Variants in CSRNP3 observed in about 807,000 individuals in gnomAD.
CSRNP3 encodes cysteine/serine-rich nuclear protein 3.
Under a neutral mutation model 48.0 loss-of-function variants are expected in CSRNP3, and 12 were observed. That is an observed-to-expected ratio of 0.25 (90% confidence interval 0.16 to 0.41). The LOEUF (loss-of-function observed/expected upper bound fraction) is 0.41, where lower values mean the gene tolerates loss of function less well. CSRNP3 is among the 10% of genes least tolerant of loss of function. The pLI, the probability that CSRNP3 is intolerant of heterozygous loss-of-function variation, is 1.00. For missense variants in CSRNP3, 580 were observed against 724.4 expected (o/e 0.80, Z 2.29); for synonymous variants, 263 against 269.7 (o/e 0.98, Z 0.24).
chr2:165,664,181 A>G (rs1057160967), intron 5 of CSRNP3, among the ~76,000 whole-genome samples: 7 of 152,218 alleles, frequency 4.6e-5, no homozygotes, highest in Admixed American at 6.5e-5. Context: ...CTAAAGAACT[A>G]TATTATAAGA....
At chr2:165,564,166 A>T (rs1011292518) in intron 3 of CSRNP3, among the ~76,000 whole-genome samples, 8 of 152,246 alleles carry the variant, frequency 5.3e-5, no homozygotes, top group African/African-American at 1.7e-4. Flanking sequence ...TCTGTTCATC[A>T]ATCAAAGCAA....
chr2:165,609,736 A>T (rs1031878737), intron 4 of CSRNP3, among the ~76,000 whole-genome samples: 9 of 152,206 alleles, frequency 5.9e-5, no homozygotes, highest in African/African-American at 2.2e-4. Flanking sequence ...AATTCTAACT[A>T]AACAGGGAGT....
chr2:165,503,210 A>C lies in CSRNP3; in HGVS notation c.-113+8282A>C, dbSNP rs572302385. On this transcript the variant is annotated intron_variant, in intron 2 of 6. Coordinates refer to ENST00000651982, the MANE Select transcript of CSRNP3 (RefSeq NM_001172173.2). ...ACAAATAATTGCTCCTAGGATTTTC[A>C]TAAATTTCTATATGTATTTAAATCT... Among the ~76,000 whole-genome samples, 414 of 152,086 alleles carry C rather than the reference A, an allele frequency of 2.7e-3. 1 individual carries two copies. Among genetic ancestry groups the C allele is most frequent in the Non-Finnish European group, 4.8e-3 (324 of 67,872 alleles).
At chr2:165,520,802 T>TTATATAC (rs1558923579) in intron 3 of CSRNP3, among the ~76,000 whole-genome samples, 2 of 57,398 alleles carry the variant, frequency 3.5e-5, no homozygotes, top group African/African-American at 1.7e-4. Flanking sequence ...TATATATATA[T>TTATATAC]ATATATATAT....
Position 165,490,562 on chromosome 2 carries a change from C to G in CSRNP3, c.-282-4197C>G, listed in dbSNP as rs372026429. ...GACTTCAAACTATACTACAAGGCTA[C>G]AGTAACCAAAACAGCATGGTACTTG... On this transcript the variant is annotated intron_variant, in intron 1 of 6. Coordinates refer to ENST00000651982, the MANE Select transcript of CSRNP3 (RefSeq NM_001172173.2). Among the ~76,000 whole-genome samples, 10 of 145,384 alleles carry G rather than the reference C, an allele frequency of 6.9e-5. No homozygotes were observed. In the East Asian group the frequency reaches 1.2e-3, roughly 18 times the overall value.
chr2:165,680,659 G>A lies in CSRNP3; in HGVS notation c.*906G>A, dbSNP rs536787902. The stretch of plus-strand genomic sequence containing the variant: ...GCCCCTTCACGGTACCTCGTGTGGG[G>A]TGGGGACTGAGAACTCTTTGAGATG... On this transcript the variant is annotated 3_prime_UTR_variant, in exon 7 of 7. Transcript: ENST00000651982. The A allele has an allele frequency of 1.5e-3, 230 of 152,452 alleles. No homozygotes were observed. The highest frequency in any genetic ancestry group is 5.4e-3 in the African/African-American group (222 of 41,452). The allele number at this position is 152,452 out of a possible 1,614,324, so 9.4% of individuals were successfully genotyped here.
In CSRNP3 at chr2:165,676,428, A is replaced by G; in HGVS notation, c.525A>G (p.Gln175=). ...AGGTAGATGAGTACTTCTTCCTACA[A>G]CCTTTGCCAACAAAAAAACGAAGAG... ...NTEVDEYFFL[Q]PLPTKKRRAL... Residue 175 remains glutamine (Q), a synonymous_variant, in exon 6 of 7, where the codon CAA becomes CAG. Coordinates refer to ENST00000651982, the MANE Select transcript of CSRNP3 (RefSeq NM_001172173.2). 1.9e-6 allele frequency: 3 copies of G among 1,614,178 alleles called. 1 individual carries two copies. The highest frequency in any genetic ancestry group is 3.3e-4 in the Middle Eastern group (2 of 6,062).
intron 2 of CSRNP3, among the ~76,000 whole-genome samples, chr2:165,506,973 C>G (rs915040896): frequency 3.3e-5 from 5 of 151,660 alleles, no homozygotes; most frequent in Non-Finnish European, 7.4e-5. Flanking sequence ...CAATGGACCC[C>G]ATATTAGTAA....
At chr2:165,616,687 C>A (rs1252488142) in intron 4 of CSRNP3, among the ~76,000 whole-genome samples, 1 of 152,050 alleles carries the variant, frequency 6.6e-6, no homozygotes, top group African/African-American at 2.4e-5. Context: ...TTAAAAATTA[C>A]CTATCTTTGA....
chr2:165,670,374 G>A (rs1359266845), intron 5 of CSRNP3, among the ~76,000 whole-genome samples: 1 of 152,096 alleles, frequency 6.6e-6, no homozygotes, highest in Admixed American at 6.6e-5. Context: ...TTGGGATCAA[G>A]GGCTGTATGT....
At chr2:165,664,933 C>A (rs1687154719) in intron 5 of CSRNP3, among the ~76,000 whole-genome samples, 1 of 152,118 alleles carries the variant, frequency 6.6e-6, no homozygotes, top group Non-Finnish European at 1.5e-5. Flanking sequence ...ATGATATAAA[C>A]CAAAATTTTG....
At chr2:165,603,525 T>A (rs1490596145) in intron 4 of CSRNP3, among the ~76,000 whole-genome samples, 3 of 152,036 alleles carry the variant, frequency 2.0e-5, no homozygotes, top group African/African-American at 7.2e-5. Flanking sequence ...TTCCTTCCTC[T>A]CCTCATCCAC....
chr2:165,602,163 TAGA>T (rs1193027829), intron 4 of CSRNP3, among the ~76,000 whole-genome samples: 1 of 152,176 alleles, frequency 6.6e-6, no homozygotes, highest in Non-Finnish European at 1.5e-5. Context: ...ACAAGAGTTT[TAGA>T]AGAAGTCTTT....
At chr2:165,648,720 G>T (rs1686854962) in intron 4 of CSRNP3, among the ~76,000 whole-genome samples, 1 of 152,110 alleles carries the variant, frequency 6.6e-6, no homozygotes, top group Admixed American at 6.6e-5. Flanking sequence ...AAAATGTGTG[G>T]ATGAACAATT....
chr2:165,502,264 T>G (rs1558918330), intron 2 of CSRNP3, among the ~76,000 whole-genome samples: 1 of 152,020 alleles, frequency 6.6e-6, no homozygotes, highest in Admixed American at 6.6e-5. Context: ...AAAATTATAT[T>G]AATTTCATCA....
chr2:165,629,934 G>T (rs1686504001), intron 4 of CSRNP3, among the ~76,000 whole-genome samples: 1 of 152,056 alleles, frequency 6.6e-6, no homozygotes, highest in African/African-American at 2.4e-5. Context: ...CTTCTCTCAG[G>T]TCTAGAGGAC....
intron 1 of CSRNP3, among the ~76,000 whole-genome samples, chr2:165,470,954 TA>T (rs1439333225): frequency 6.6e-6 from 1 of 152,018 alleles, no homozygotes; most frequent in East Asian, 1.9e-4. Context: ...AATTTCTAAA[TA>T]TTTTTTGCTA....
At chr2:165,546,852 C>G (rs2105256940) in intron 3 of CSRNP3, among the ~76,000 whole-genome samples, 1 of 152,236 alleles carries the variant, frequency 6.6e-6, no homozygotes, top group African/African-American at 2.4e-5. Flanking sequence ...ATTACTTATA[C>G]TTTTTTCTAA....
intron 3 of CSRNP3, among the ~76,000 whole-genome samples, chr2:165,561,753 A>G (rs1366528073): frequency 1.3e-5 from 2 of 152,180 alleles, no homozygotes; most frequent in African/African-American, 2.4e-5. Context: ...GAAAGAATAG[A>G]CAGTTGTGAT....
Sources: allele counts gnomAD v4.1 joint callset (sites outside exome capture counted in the v4.1 genomes callset), GRCh38; gene constraint gnomAD v4.1.1; transcripts MANE v1.5; gene names NCBI Gene and HGNC (gene_info 2026-07-23, HGNC 2026-07-21).